The following DENND2B variants were observed in gnomAD, a reference collection of about 807,000 sequenced individuals.
DENND2B encodes the protein DENN domain containing 2B.
A neutral mutation model predicts 116.0 loss-of-function variants in DENND2B; 32 were observed. The ratio of observed to expected loss-of-function variants is 0.28; its 90% CI spans 0.21 to 0.37. The LOEUF is 0.37. DENND2B is among the 10% of genes least tolerant of loss of function. The pLI, the probability that DENND2B is intolerant of heterozygous loss-of-function variation, is 1.00. For missense variants in DENND2B, 1,276 were observed against 1,477.7 expected (o/e 0.86, Z 2.24); for synonymous variants, 588 against 583.9 (o/e 1.01, Z -0.10).
At chr11:8,897,059 C>T (rs997450150) in intron 1 of DENND2B, among the ~76,000 whole-genome samples, 1 of 151,664 alleles carries the variant, frequency 6.6e-6, no homozygotes, top group Non-Finnish European at 1.5e-5. Context: ...GCCAACATGG[C>T]GAAGCCCATC....
chr11:8,702,937 C>G lies in DENND2B; in HGVS notation c.2572-217G>C, dbSNP rs1323983207. ...ACCCAGCCTGTGGGCAAGAGGGCTGCCTGTGAAAGCGGGGAAGGCTCCAGA... is the reference window on the plus strand; with the variant it reads ...ACCCAGCCTGTGGGCAAGAGGGCTGGCTGTGAAAGCGGGGAAGGCTCCAGA... On this transcript the variant is annotated intron_variant, in intron 13 of 19. Coordinates refer to ENST00000313726, the MANE Select transcript of DENND2B (RefSeq NM_213618.2). This position sits in a 1 kb window ranked among gnomAD's most constrained non-coding sequence, Gnocchi z 4.6. The G allele has an allele frequency of 3.4e-6, 2 of 585,634 alleles. No homozygotes were observed. The highest frequency in any genetic ancestry group is 5.8e-6 in the Non-Finnish European group (2 of 343,288). The allele number at this position is 585,634 out of a possible 1,614,324, so 36.3% of individuals were successfully genotyped here.
intron 3 of DENND2B, chr11:8,839,370 G>T (rs1236936975): frequency 2.0e-5 from 3 of 152,194 alleles, no homozygotes; most frequent in Non-Finnish European, 2.9e-5. Context: ...GAGTGGAAAG[G>T]TTGTTACCAC....
intron 2 of DENND2B, among the ~76,000 whole-genome samples, chr11:8,861,480 ATACTC>A (rs1489638001): frequency 6.6e-6 from 1 of 152,246 alleles, no homozygotes; most frequent in East Asian, 1.9e-4. Flanking sequence ...CCACAATGAA[ATACTC>A]TACCTTACTC....
chr11:8,777,766 A>C (rs2057903937), intron 1 of DENND2B, among the ~76,000 whole-genome samples: 1 of 152,238 alleles, frequency 6.6e-6, no homozygotes, highest in Non-Finnish European at 1.5e-5. Flanking sequence ...ACCCAGGGAA[A>C]AAAAAGAGAG....
At chr11:8,887,788 T>A (rs1262475622) in intron 1 of DENND2B, among the ~76,000 whole-genome samples, 1 of 152,194 alleles carries the variant, frequency 6.6e-6, no homozygotes, top group Non-Finnish European at 1.5e-5. Context: ...CTACCTGCTA[T>A]AATATCCTTT....
intron 2 of DENND2B, among the ~76,000 whole-genome samples, chr11:8,741,409 G>C (rs2050187986): frequency 6.6e-6 from 1 of 152,132 alleles, no homozygotes; most frequent in Non-Finnish European, 1.5e-5. Flanking sequence ...CCCCCTCTGA[G>C]GTTACTGATC....
intron 3 of DENND2B, among the ~76,000 whole-genome samples, chr11:8,856,573 G>T (rs2063200326): frequency 6.6e-6 from 1 of 151,884 alleles, no homozygotes; most frequent in African/African-American, 2.4e-5. Context: ...ACTTCCACTG[G>T]TCACACGTGT....
intron 8 of DENND2B, among the ~76,000 whole-genome samples, chr11:8,713,228 G>A (rs2044090429): frequency 6.6e-6 from 1 of 152,182 alleles, no homozygotes; most frequent in South Asian, 2.1e-4. Flanking sequence ...ACCCTGGAAT[G>A]TGAAGGTTCC....
At chr11:8,766,585 T>C in intron 1 of DENND2B, 1 of 1,280,858 alleles carries the variant, frequency 7.8e-7, no homozygotes, top group Non-Finnish European at 1.0e-6. Flanking sequence ...TGACAGACCA[T>C]CCACTGAAAG....
At chr11:8,891,522 C>T (rs2064033024) in intron 1 of DENND2B, among the ~76,000 whole-genome samples, 1 of 152,046 alleles carries the variant, frequency 6.6e-6, no homozygotes, top group South Asian at 2.1e-4. Flanking sequence ...CACACATAGG[C>T]TCAACATAAA....
intron 1 of DENND2B, among the ~76,000 whole-genome samples, chr11:8,892,556 A>G (rs908051048): frequency 5.3e-5 from 8 of 152,192 alleles, no homozygotes; most frequent in African/African-American, 1.9e-4. Flanking sequence ...AAAAAATGAT[A>G]AAGGGGATAT....
In DENND2B at chr11:8,731,102, G is replaced by A; in HGVS notation, c.188C>T (p.Ser63Phe). 6.2e-7 allele frequency: 1 copy of A among 1,607,980 alleles called. No homozygotes were observed. Among genetic ancestry groups the A allele is most frequent in the Non-Finnish European group, 8.5e-7 (1 of 1,176,164 alleles). ...GTGCCGGTCCTTGAGGAGCACCCGGGAGCTGGAGTGGCTGGGGTACCTGCA... is the reference window on the plus strand; with the variant it reads ...GTGCCGGTCCTTGAGGAGCACCCGGAAGCTGGAGTGGCTGGGGTACCTGCA... ...SACRYPSHSS[S>F]RVLLKDRHPP... Residue 63 changes from serine to phenylalanine, a missense_variant, in exon 3 of 20, where the codon TCC becomes TTC. Physicochemically the swap from Ser to Phe is radical, Grantham distance 155. Transcript: ENST00000313726.
intron 7 of DENND2B, 41 bp downstream of exon 7, chr11:8,714,569 G>A: frequency 6.4e-7 from 1 of 1,559,776 alleles, no homozygotes; most frequent in Non-Finnish European, 8.8e-7. Context: ...TAATGCCCAA[G>A]GGCCCCAAAC....
At chr11:8,711,449 G>A (rs983176729) in intron 9 of DENND2B, among the ~76,000 whole-genome samples, 1 of 152,144 alleles carries the variant, frequency 6.6e-6, no homozygotes, top group Non-Finnish European at 1.5e-5. Flanking sequence ...CTGACACGGT[G>A]CTATGCGCCA....
intron 4 of DENND2B, among the ~76,000 whole-genome samples, chr11:8,826,526 T>C (rs1200864911): frequency 1.3e-5 from 2 of 152,186 alleles, no homozygotes; most frequent in Non-Finnish European, 2.9e-5. Context: ...TACCAGCTTA[T>C]CTCCTGTAAA....
chr11:8,897,198 A>G (rs1250176954), intron 1 of DENND2B, among the ~76,000 whole-genome samples: 2 of 152,228 alleles, frequency 1.3e-5, no homozygotes, highest in East Asian at 3.8e-4. Flanking sequence ...CAGAGGTTAC[A>G]GTAAGCAGAG....
intron 2 of DENND2B, among the ~76,000 whole-genome samples, chr11:8,743,953 C>T (rs1199460354): frequency 2.6e-5 from 4 of 151,176 alleles, no homozygotes; most frequent in Non-Finnish European, 5.9e-5. Flanking sequence ...CTCACTATGT[C>T]GCCCAGGCTG....
chr11:8,783,788 A>C (rs980534142), intron 1 of DENND2B, among the ~76,000 whole-genome samples: 1 of 152,178 alleles, frequency 6.6e-6, no homozygotes, highest in Non-Finnish European at 1.5e-5. Flanking sequence ...AAAGAGGGAG[A>C]TATCATAGAC....
At chr11:8,892,900 G>A (rs1566087574) in intron 1 of DENND2B, among the ~76,000 whole-genome samples, 1 of 152,150 alleles carries the variant, frequency 6.6e-6, no homozygotes, top group Non-Finnish European at 1.5e-5. Flanking sequence ...CATTTTATGA[G>A]GCCAGCATCA....
Sources: allele counts gnomAD v4.1 joint callset (sites outside exome capture counted in the v4.1 genomes callset), GRCh38; gene constraint gnomAD v4.1.1; non-coding constraint Gnocchi (gnomAD v3.1); transcripts MANE v1.5; gene names NCBI Gene and HGNC (gene_info 2026-07-23, HGNC 2026-07-21).